The following GAS7 variants were observed in gnomAD, a reference collection of about 807,000 sequenced individuals.
GAS7 encodes the protein growth arrest specific 7, also known as growth arrest-specific protein 7.
A neutral mutation model predicts 71.1 loss-of-function variants in GAS7; 28 were observed. The ratio of observed to expected loss-of-function variants is 0.39; its 90% CI spans 0.29 to 0.54. The LOEUF is 0.54. Among genes scored for constraint, GAS7 ranks in the 20% least tolerant of loss-of-function variants. GAS7 has a pLI of 0.62. For missense variants in GAS7, 436 were observed against 627.8 expected (o/e 0.69, Z 3.27); for synonymous variants, 258 against 245.8 (o/e 1.05, Z -0.46).
chr17:10,039,211 C>T (rs72807402), intron 1 of GAS7, among the ~76,000 whole-genome samples: 19,031 of 144,250 alleles, frequency 0.13, 1,427 homozygotes, highest in East Asian at 0.26. Flanking sequence ...TCATGTCATG[C>T]ATATTTTGCC....
Position 9,913,291 on chromosome 17 carries a change from TTAACA to T in GAS7, c.*3932_*3936del, listed in dbSNP as rs1418745728. On this transcript the variant is annotated 3_prime_UTR_variant, in exon 14 of 14. Transcript: ENST00000432992. ...GGGGGGCAGCTGATCTGTACCCCAC[TTAACA>T]TTAGAAGTGCTCTCTCCGACCTACA... 4.3e-6 allele frequency: 1 copy of T among 232,776 alleles called. No individual in the cohort carries two copies. Among genetic ancestry groups the T allele is most frequent in the African/African-American group, 2.2e-5 (1 of 45,286 alleles). 14.4% of individuals were successfully genotyped at this position (232,776 alleles called of 1,614,324 possible). A position where few individuals can be genotyped will look rare whatever the true frequency, so the allele number is the denominator to read the frequency against.
At chr17:10,078,097 T>C (rs891880601) in intron 1 of GAS7, among the ~76,000 whole-genome samples, 1 of 151,770 alleles carries the variant, frequency 6.6e-6, no homozygotes, top group Non-Finnish European at 1.5e-5. Context: ...TTGTTTTGTT[T>C]TGTTTTGTTT....
At chr17:9,980,075 TAATATA>T (rs61355176) in intron 3 of GAS7, among the ~76,000 whole-genome samples, 9,943 of 151,864 alleles carry the variant, frequency 0.065, 1,043 homozygotes, top group African/African-American at 0.22. Flanking sequence ...AAAAATTTAA[TAATATA>T]AATATAAATA....
At chr17:10,029,134 T>C (rs1205982732) in intron 1 of GAS7, among the ~76,000 whole-genome samples, 3 of 152,254 alleles carry the variant, frequency 2.0e-5, no homozygotes, top group Non-Finnish European at 4.4e-5. Context: ...TGTAATCATT[T>C]ACGTGGGAAG....
intron 2 of GAS7, among the ~76,000 whole-genome samples, chr17:9,988,243 T>C (rs1013588800): frequency 2.0e-5 from 3 of 152,134 alleles, no homozygotes; most frequent in Admixed American, 6.6e-5. Flanking sequence ...ACAAGGAGGG[T>C]CTGCCTAGCT....
In GAS7 at chr17:9,959,496, G is replaced by T. The variant is rs1460813025; in HGVS notation, c.472-241C>A. The T allele has an allele frequency of 2.2e-6, 3 of 1,365,960 alleles. No individual in the cohort carries two copies. The highest frequency in any genetic ancestry group is 2.8e-6 in the Non-Finnish European group (3 of 1,056,352). The allele number at this position is 1,365,960 out of a possible 1,614,324, so 84.6% of individuals were successfully genotyped here. ...CTCCTGCACAGGCTCTGAGAGAACT[G>T]CTCCAAACCAGGTCTCCCCTCCTCT... On this transcript the variant is annotated intron_variant, in intron 4 of 13. Coordinates refer to ENST00000432992, the MANE Select transcript of GAS7 (RefSeq NM_201433.2). The surrounding 1 kb of genome is among the most constrained non-coding windows in gnomAD (Gnocchi z 5.0).
chr17:9,954,038 G>A (rs1312028458), intron 5 of GAS7, among the ~76,000 whole-genome samples: 1 of 152,204 alleles, frequency 6.6e-6, no homozygotes, highest in Non-Finnish European at 1.5e-5. Flanking sequence ...TGAGGGTCCA[G>A]GGGAGGAATC....
rs949319117 is a variant in GAS7 at position 9,959,014 on chromosome 17, T to C, written c.525+188A>G. On this transcript the variant is annotated intron_variant, in intron 5 of 13. Coordinates refer to ENST00000432992, the MANE Select transcript of GAS7 (RefSeq NM_201433.2). This position sits in a 1 kb window ranked among gnomAD's most constrained non-coding sequence, Gnocchi z 5.0. ...ACCAGGAGAGAAGTGAAATGTGAAA[T>C]TGACAGGAGAAGGGGAGGTGGGAGG... The C allele has an allele frequency of 2.8e-5, 39 of 1,415,584 alleles. No individual in the cohort carries two copies. Among genetic ancestry groups the C allele is most frequent in the South Asian group, 9.1e-5 (6 of 65,932 alleles). The allele number at this position is 1,415,584 out of a possible 1,614,324, so 87.7% of individuals were successfully genotyped here.
Position 9,926,926 on chromosome 17 carries a change from C to A in GAS7, c.886-157G>T. 1.4e-6 allele frequency: 1 copy of A among 703,434 alleles called. No individual in the cohort carries two copies. Among genetic ancestry groups the A allele is most frequent in the East Asian group, 2.6e-5 (1 of 37,854 alleles). 43.6% of individuals were successfully genotyped at this position (703,434 alleles called of 1,614,324 possible). A position where few individuals can be genotyped will look rare whatever the true frequency, so the allele number is the denominator to read the frequency against. ...GGAAGGTGAGAGACACCCCCTGACA[C>A]GTGGCTGCCTATCAGGTCTCAGCTT... On this transcript the variant is annotated intron_variant, in intron 9 of 13. Coordinates refer to ENST00000432992, the MANE Select transcript of GAS7 (RefSeq NM_201433.2). The surrounding 1 kb of genome is among the most constrained non-coding windows in gnomAD (Gnocchi z 5.0).
intron 6 of GAS7, among the ~76,000 whole-genome samples, chr17:9,946,488 C>G (rs1411165913): frequency 2.0e-5 from 3 of 152,206 alleles, no homozygotes; most frequent in Non-Finnish European, 4.4e-5. Flanking sequence ...GCCCAACTGC[C>G]TCACAATTCT....
rs763135145 is a variant in GAS7 at position 9,981,828 on chromosome 17, G to T, written c.361C>A (p.His121Asn). Residue 121 changes from histidine to asparagine, a missense_variant, in exon 3 of 14, where the codon CAC (histidine) becomes AAC (asparagine). Transcript: ENST00000432992. The surrounding 1 kb of genome is among the most constrained non-coding windows in gnomAD (Gnocchi z 4.4). ...SPGIPASPGS[H>N]RSSLPPTVNG... is the part of the protein sequence containing the mutation. ...CCTGTTGGAGGCAGAGAGCTCCTGT[G>T]AGAGCCAGGGCTGGCTGGAATCCCA... 1 of 1,602,842 alleles carries T rather than the reference G, an allele frequency of 6.2e-7. No individual in the cohort carries two copies. Among genetic ancestry groups the T allele is most frequent in the South Asian group, 1.1e-5 (1 of 90,896 alleles).
At chr17:10,151,885 C>A (rs2074169260) in intron 1 of GAS7, among the ~76,000 whole-genome samples, 2 of 152,192 alleles carry the variant, frequency 1.3e-5, no homozygotes, top group Admixed American at 6.6e-5. Context: ...ACTTCTGACA[C>A]CCTTTCAGTT....
intron 1 of GAS7, among the ~76,000 whole-genome samples, chr17:10,088,252 AT>A (rs1461310667): frequency 1.1e-4 from 16 of 148,706 alleles, no homozygotes; most frequent in Middle Eastern, 3.6e-3. Context: ...AATAATAATA[AT>A]AATAAATATG....
At chr17:10,128,914 C>A (rs2073974779) in intron 1 of GAS7, among the ~76,000 whole-genome samples, 1 of 152,182 alleles carries the variant, frequency 6.6e-6, no homozygotes, top group African/African-American at 2.4e-5. Flanking sequence ...TGAGTCACTG[C>A]ACCCGGCCTG....
At chr17:10,197,405 C>T (rs1205076849) in intron 1 of GAS7, among the ~76,000 whole-genome samples, 1 of 151,836 alleles carries the variant, frequency 6.6e-6, no homozygotes, top group South Asian at 2.1e-4. Context: ...GGAAGGTCAC[C>T]CCCCCACACA....
Position 10,164,440 on chromosome 17 carries a change from C to CAAA in GAS7, c.183+33765_183+33767dup, listed in dbSNP as rs765625699. 0.033 allele frequency among the ~76,000 whole-genome samples: 3,837 copies of CAAA among 115,940 alleles called. 270 individuals are homozygous for CAAA. The East Asian group carries it at 0.33, about 10-fold the overall frequency. 76.1% of individuals were successfully genotyped at this position (115,940 alleles called of 152,430 possible). On this transcript the variant is annotated intron_variant, in intron 1 of 13. Transcript: ENST00000432992. ...CTAGCGACAAAGTGAGACTCTGTCT[C>CAAA]AAAAAAAAAAAAAAAGAAATATGGC... is the stretch of plus-strand genomic sequence containing the variant.
chr17:10,039,227 T>TAAA lies in GAS7; in HGVS notation c.184-19333_184-19331dup, dbSNP rs34319435. ...CATGTCATGCATATTTTGCCATGAT[T>TAAA]AAAAAAAAAAAGCCCCCAAGACCCA... On this transcript the variant is annotated intron_variant, in intron 1 of 13. Transcript: ENST00000432992. Among the ~76,000 whole-genome samples, 1,087 of 144,728 alleles carry TAAA rather than the reference T, an allele frequency of 7.5e-3. 22 individuals carry two copies. In the East Asian group the frequency reaches 0.1, roughly 14 times the overall value. 94.9% of individuals were successfully genotyped at this position (144,728 alleles called of 152,430 possible).
chr17:9,951,671 C>T (rs753882399), intron 5 of GAS7, among the ~76,000 whole-genome samples: 57 of 143,306 alleles, frequency 4.0e-4, no homozygotes, highest in Non-Finnish European at 3.5e-4. Flanking sequence ...GCAGGAGAAT[C>T]GCTTGAACCT....
chr17:10,016,087 G>C (rs2071984279), intron 2 of GAS7, among the ~76,000 whole-genome samples: 1 of 152,114 alleles, frequency 6.6e-6, no homozygotes, highest in Non-Finnish European at 1.5e-5. Context: ...CAATCAAACA[G>C]ATAAACAATA....
Sources: gnomAD v4.1 joint callset for allele counts (sites outside exome capture counted in the v4.1 genomes callset) on GRCh38, gnomAD v4.1.1 for gene constraint, Gnocchi (gnomAD v3.1) non-coding constraint, MANE v1.5 for transcripts, NCBI Gene and HGNC (gene_info 2026-07-23, HGNC 2026-07-21) for gene names.